LIN7A: variants seen among roughly 807,000 people sequenced by gnomAD.
LIN7A encodes lin-7 cell polarity scaffold A.
A neutral mutation model predicts 29.8 loss-of-function variants in LIN7A; 25 were observed. The ratio of observed to expected loss-of-function variants is 0.84; its 90% confidence interval spans 0.61 to 1.17. The LOEUF is 1.17. Among genes scored for constraint, LIN7A ranks in the 50% most tolerant of loss-of-function variants. The pLI, the probability that LIN7A is intolerant of heterozygous loss-of-function variation, is 0.00. For synonymous variants in LIN7A, 118 were observed against 107.5 expected (o/e 1.10, Z -0.60); for missense variants, 239 against 287.0 (o/e 0.83, Z 1.21).
At position 80,917,745 on chromosome 12, in the gene LIN7A, T is replaced by A. The variant is rs988260561; in HGVS notation, c.82+19896A>T. Among the ~76,000 whole-genome samples the A allele has an allele frequency of 2.4e-4, 36 of 152,314 alleles. 1 individual carries two copies. The highest frequency in any genetic ancestry group is 8.2e-4 in the African/African-American group (34 of 41,574). Reference sequence around the variant, plus strand: ...TGCTTATTTTATAGTCTCTGACTTTTGTGTCGAGATCTCTCCACTCTTCAA... The same window carrying A: ...TGCTTATTTTATAGTCTCTGACTTTAGTGTCGAGATCTCTCCACTCTTCAA... On this transcript the variant is annotated intron_variant, in intron 1 of 5. Transcript: ENST00000552864.
chr12:80,841,970 G>C (rs553680222), intron 4 of LIN7A: 1 of 1,183,078 alleles, frequency 8.5e-7, no homozygotes, highest in Non-Finnish European at 1.1e-6. Flanking sequence ...TACACCAAAG[G>C]CCTCTGTATT....
intron 1 of LIN7A, among the ~76,000 whole-genome samples, chr12:80,930,792 C>G (rs1877856352): frequency 6.6e-6 from 1 of 152,182 alleles, no homozygotes. Context: ...AAGGTAGCCA[C>G]TACTTTTCAT....
chr12:80,829,013 G>A (rs948594490), intron 4 of LIN7A, among the ~76,000 whole-genome samples: 4 of 152,034 alleles, frequency 2.6e-5, no homozygotes, highest in Non-Finnish European at 4.4e-5. Context: ...CATATTTATT[G>A]TATATTTTTA....
At chr12:80,925,906 C>T (rs11114656) in intron 1 of LIN7A, among the ~76,000 whole-genome samples, 35,198 of 152,088 alleles carry the variant, frequency 0.23, 4,155 homozygotes, top group East Asian at 0.33. Flanking sequence ...ACCTGACTAC[C>T]ACCCTCTATC....
chr12:80,809,261 C>T (rs1326667581), intron 5 of LIN7A, among the ~76,000 whole-genome samples: 1 of 152,194 alleles, frequency 6.6e-6, no homozygotes, highest in Non-Finnish European at 1.5e-5. Flanking sequence ...ACACTGCTCC[C>T]AGCCTGTAGC....
At chr12:80,881,405 G>A (rs1417257778) in intron 2 of LIN7A, among the ~76,000 whole-genome samples, 1 of 152,124 alleles carries the variant, frequency 6.6e-6, no homozygotes, top group Non-Finnish European at 1.5e-5. Context: ...CATAATGTCA[G>A]ATGCATTTTC....
intron 2 of LIN7A, among the ~76,000 whole-genome samples, chr12:80,879,507 A>G (rs1592919366): frequency 6.6e-6 from 1 of 152,110 alleles, no homozygotes; most frequent in East Asian, 1.9e-4. Context: ...AAATCATATA[A>G]AAAAAGAAAA....
intron 5 of LIN7A, among the ~76,000 whole-genome samples, chr12:80,807,076 T>TTTTTTTTTTTGTTTG (rs1565883801): frequency 1.7e-4 from 21 of 126,070 alleles, no homozygotes; most frequent in South Asian, 5.2e-4. Flanking sequence ...TTTTTTTTTT[T>TTTTTTTTTTTGTTTG]TTTTTTTTTT....
intron 5 of LIN7A, among the ~76,000 whole-genome samples, chr12:80,811,191 G>T (rs1871268458): frequency 6.6e-6 from 1 of 152,010 alleles, no homozygotes; most frequent in Admixed American, 6.6e-5. Context: ...GCCTGTACTT[G>T]CCCCTTTCAA....
At chr12:80,930,303 T>C (rs1365686499) in intron 1 of LIN7A, among the ~76,000 whole-genome samples, 1 of 152,224 alleles carries the variant, frequency 6.6e-6, no homozygotes, top group Non-Finnish European at 1.5e-5. Flanking sequence ...TTATTTTTAT[T>C]GGACAAGTGT....
At chr12:80,872,749 C>T (rs542572335) in intron 2 of LIN7A, among the ~76,000 whole-genome samples, 6 of 152,268 alleles carry the variant, frequency 3.9e-5, no homozygotes, top group East Asian at 1.9e-4. Context: ...TCTCAACATG[C>T]GGCAGTAGTT....
At chr12:80,837,990 A>G (rs1380595707) in intron 4 of LIN7A, among the ~76,000 whole-genome samples, 6 of 152,204 alleles carry the variant, frequency 3.9e-5, no homozygotes, top group Admixed American at 3.3e-4. Context: ...ATGAAAGAAA[A>G]GCATTGCTAA....
At chr12:80,856,714 T>C (rs1238384574) in intron 2 of LIN7A, among the ~76,000 whole-genome samples, 1 of 152,210 alleles carries the variant, frequency 6.6e-6, no homozygotes, top group African/African-American at 2.4e-5. Flanking sequence ...CACTCATTAA[T>C]ATATCACTAT....
chr12:80,895,922 C>A (rs1011404712), intron 1 of LIN7A, among the ~76,000 whole-genome samples: 4 of 152,176 alleles, frequency 2.6e-5, no homozygotes, highest in Non-Finnish European at 5.9e-5. Flanking sequence ...TGTCCAAACC[C>A]ATGATTCTTG....
intron 1 of LIN7A, among the ~76,000 whole-genome samples, chr12:80,898,468 C>T (rs1389170208): frequency 6.6e-6 from 1 of 151,130 alleles, no homozygotes; most frequent in Non-Finnish European, 1.5e-5. Flanking sequence ...GCTATTTGGG[C>T]TCTTTTGTGG....
At chr12:80,824,292 A>T (rs1280007346) in intron 4 of LIN7A, among the ~76,000 whole-genome samples, 1 of 152,186 alleles carries the variant, frequency 6.6e-6, no homozygotes, top group Non-Finnish European at 1.5e-5. Context: ...CTGGAAATGT[A>T]CAACTTTCCT....
intron 2 of LIN7A, among the ~76,000 whole-genome samples, chr12:80,865,094 A>G (rs1874071080): frequency 6.6e-6 from 1 of 152,208 alleles, no homozygotes; most frequent in Non-Finnish European, 1.5e-5. Context: ...GCATTAAAGA[A>G]AAACAACCTT....
chr12:80,869,525 A>G (rs1386631852), intron 2 of LIN7A, among the ~76,000 whole-genome samples: 2 of 152,118 alleles, frequency 1.3e-5, no homozygotes, highest in Non-Finnish European at 2.9e-5. Context: ...GTGTGGGCAG[A>G]AAACCACGGC....
At chr12:80,854,654 T>G (rs1284479496) in intron 2 of LIN7A, among the ~76,000 whole-genome samples, 2 of 152,056 alleles carry the variant, frequency 1.3e-5, no homozygotes, top group Non-Finnish European at 2.9e-5. Context: ...GTTGGAACTG[T>G]TCTATATATT....
Sources: gnomAD v4.1 joint callset for allele counts (sites outside exome capture counted in the v4.1 genomes callset) on GRCh38, gnomAD v4.1.1 for gene constraint, MANE v1.5 for transcripts, NCBI Gene and HGNC (gene_info 2026-07-23, HGNC 2026-07-21) for gene names.